The following EXT1 variants were observed in gnomAD, a reference collection of about 807,000 sequenced individuals.
The protein encoded by EXT1 is exostosin-1.
A neutral mutation model predicts 82.5 loss-of-function variants in EXT1; 20 were observed. The ratio of observed to expected loss-of-function variants is 0.24; its 90% confidence interval spans 0.17 to 0.35. The LOEUF is 0.35. Among genes scored for constraint, EXT1 ranks in the 10% least tolerant of loss-of-function variants. EXT1 has a pLI of 1.00. For synonymous variants in EXT1, 348 were observed against 350.8 expected, an observed-to-expected ratio of 0.99 and a Z score of 0.09; for missense variants, 757 against 936.5, an observed-to-expected ratio of 0.81 and a Z score of 2.50.
chr8:117,974,105 A>C (rs1276964361), intron 1 of EXT1, among the ~76,000 whole-genome samples: 1 of 152,160 alleles, frequency 6.6e-6, no homozygotes, highest in Non-Finnish European at 1.5e-5. Context: ...TGGGTCACAA[A>C]ACTATTCTCA....
chr8:118,055,933 C>T (rs1816787066), intron 1 of EXT1, among the ~76,000 whole-genome samples: 1 of 152,160 alleles, frequency 6.6e-6, no homozygotes. Context: ...GACCATTCTA[C>T]CACTATGACA....
intron 1 of EXT1, among the ~76,000 whole-genome samples, chr8:117,848,185 A>G (rs561455986): frequency 1.3e-5 from 2 of 152,334 alleles, no homozygotes; most frequent in Admixed American, 1.3e-4. Context: ...GAATGCATAA[A>G]TGTAGAGATA....
At chr8:117,832,328 G>A (rs1381787473) in intron 3 of EXT1, among the ~76,000 whole-genome samples, 2 of 151,768 alleles carry the variant, frequency 1.3e-5, no homozygotes, top group African/African-American at 2.4e-5. Context: ...GTTCAAGACC[G>A]GCCTGGCCAA....
At chr8:117,849,379 G>T (rs1242776471) in intron 1 of EXT1, among the ~76,000 whole-genome samples, 1 of 152,156 alleles carries the variant, frequency 6.6e-6, no homozygotes, top group Non-Finnish European at 1.5e-5. Flanking sequence ...CCTGTACTAT[G>T]CCTGGCCCAC....
rs531383950 is a variant in EXT1, at chr8:117,821,805, G to A, written c.1417+660C>T. On this transcript the variant is annotated intron_variant, in intron 5 of 10. Transcript: ENST00000378204. ...AATGTTCATGATGTTTCTAACATGA[G>A]AGCAACTGGGGGTCCAAATACATAA... Among the ~76,000 whole-genome samples, 3 of 152,294 alleles carry A rather than the reference G, an allele frequency of 2.0e-5. No homozygotes were observed. The East Asian group carries it at 5.8e-4, about 29-fold the overall frequency.
At chr8:117,837,305 C>T (rs1172120302) in intron 1 of EXT1, 104 bp from the exon 2 acceptor site, 2 of 907,766 alleles carry the variant, frequency 2.2e-6, no homozygotes, top group Non-Finnish European at 3.6e-6. Flanking sequence ...CAAAGCAACT[C>T]GGGAAAGCCA....
At chr8:117,998,792 C>T (rs538028776) in intron 1 of EXT1, among the ~76,000 whole-genome samples, 1 of 152,296 alleles carries the variant, frequency 6.6e-6, no homozygotes, top group East Asian at 1.9e-4. Context: ...CAGAATGAGT[C>T]CATTTTGGTA....
At chr8:117,994,009 T>C (rs1360881512) in intron 1 of EXT1, among the ~76,000 whole-genome samples, 1 of 152,186 alleles carries the variant, frequency 6.6e-6, no homozygotes, top group East Asian at 1.9e-4. Context: ...GTTACAGAGC[T>C]AGCAAAGTTC....
At chr8:117,875,402 T>C (rs542317537) in intron 1 of EXT1, among the ~76,000 whole-genome samples, 15 of 150,756 alleles carry the variant, frequency 9.9e-5, no homozygotes, top group Non-Finnish European at 1.9e-4. Context: ...GCCTGGGTGA[T>C]AGAGTGAAAC....
At chr8:118,055,442 A>G (rs1816780235) in intron 1 of EXT1, among the ~76,000 whole-genome samples, 2 of 152,228 alleles carry the variant, frequency 1.3e-5, no homozygotes, top group Admixed American at 1.3e-4. Flanking sequence ...GCTGCTGTGA[A>G]CACGTGTAGA....
intron 1 of EXT1, among the ~76,000 whole-genome samples, chr8:117,902,724 C>G (rs115814933): frequency 6.7e-4 from 102 of 152,356 alleles, no homozygotes; most frequent in African/African-American, 2.3e-3. Flanking sequence ...GGGTGAAAAA[C>G]TAACATATTA....
intron 1 of EXT1, among the ~76,000 whole-genome samples, chr8:117,932,657 G>A (rs537020048): frequency 6.6e-6 from 1 of 152,174 alleles, no homozygotes; most frequent in South Asian, 2.1e-4. Context: ...TGGATTTCCT[G>A]AGCCTTCGTT....
chr8:117,977,999 A>G (rs1815105085), intron 1 of EXT1, among the ~76,000 whole-genome samples: 1 of 152,208 alleles, frequency 6.6e-6, no homozygotes, highest in African/African-American at 2.4e-5. Context: ...TCCTGACCAC[A>G]ATAATTAAGA....
At chr8:118,096,168 GA>G (rs1242550401) in intron 1 of EXT1, among the ~76,000 whole-genome samples, 3 of 152,074 alleles carry the variant, frequency 2.0e-5, no homozygotes, top group Non-Finnish European at 2.9e-5. Context: ...TAAAGGGGGG[GA>G]AGTTTCAATA....
chr8:117,916,953 T>C (rs774837101), intron 1 of EXT1, among the ~76,000 whole-genome samples: 2 of 151,842 alleles, frequency 1.3e-5, no homozygotes, highest in Non-Finnish European at 2.9e-5. Context: ...ACAATACCGT[T>C]TAAGAAAAAG....
chr8:117,853,836 G>A (rs1208078715), intron 1 of EXT1, among the ~76,000 whole-genome samples: 2 of 152,240 alleles, frequency 1.3e-5, no homozygotes, highest in Non-Finnish European at 2.9e-5. Flanking sequence ...GCTATGAGCA[G>A]TTTGAATGCC....
At chr8:117,844,645 C>T (rs1452998946) in intron 1 of EXT1, among the ~76,000 whole-genome samples, 1 of 152,092 alleles carries the variant, frequency 6.6e-6, no homozygotes. Flanking sequence ...AAGTATAGGT[C>T]CCTGGTGTCT....
chr8:117,857,727 C>T (rs1812591283), intron 1 of EXT1, among the ~76,000 whole-genome samples: 1 of 152,126 alleles, frequency 6.6e-6, no homozygotes, highest in Non-Finnish European at 1.5e-5. Flanking sequence ...GTAATTTTAA[C>T]TTTCAAGTAT....
rs1348872581 is a variant in EXT1 at position 117,993,579 on chromosome 8, T to C, written c.962+116506A>G. 2.0e-5 allele frequency among the ~76,000 whole-genome samples: 3 copies of C among 152,148 alleles called. No individual in the cohort carries two copies. The South Asian group carries it at 6.2e-4, about 32-fold the overall frequency. On this transcript the variant is annotated intron_variant, in intron 1 of 10. Coordinates refer to ENST00000378204, the MANE Select transcript of EXT1 (RefSeq NM_000127.3). ...AAGTCTCATTGCTTAAACCAACATT[T>C]CCCAAAGCATATTATTACACAGAAC... is the stretch of plus-strand genomic sequence containing the variant.
Sources: gnomAD v4.1 joint callset for allele counts (sites outside exome capture counted in the v4.1 genomes callset) on GRCh38, gnomAD v4.1.1 for gene constraint, MANE v1.5 for transcripts, NCBI Gene and HGNC (gene_info 2026-07-23, HGNC 2026-07-21) for gene names.